PYY: variants seen among roughly 807,000 people sequenced by gnomAD.
PYY encodes peptide tyrosine tyrosine.
A neutral mutation model predicts 10.3 loss-of-function variants in PYY; 12 were observed. The ratio of observed to expected loss-of-function variants is 1.17; its 90% CI spans 0.75 to 1.89. PYY has a LOEUF of 1.89. Among genes scored for constraint, PYY ranks in the 40% most tolerant of loss-of-function variants. The pLI is 0.00. For synonymous variants in PYY, 66 were observed against 62.0 expected (o/e 1.06, Z -0.30); for missense variants, 141 against 134.0 (o/e 1.05, Z -0.26).
At chr17:43,973,452 C>G (rs545326304) in intron 1 of PYY, among the ~76,000 whole-genome samples, 3 of 152,320 alleles carry the variant, frequency 2.0e-5, no homozygotes, top group Admixed American at 6.5e-5. Context: ...AGGCATTCAT[C>G]CAGCGCTGTT....
intron 2 of PYY, among the ~76,000 whole-genome samples, chr17:43,966,048 C>T (rs2048754204): frequency 6.6e-6 from 1 of 152,056 alleles, no homozygotes; most frequent in African/African-American, 2.4e-5. Context: ...GTTCCCTATC[C>T]ACATAGTCCA....
At chr17:43,977,516 C>G (rs1260357261) in intron 1 of PYY, among the ~76,000 whole-genome samples, 1 of 152,066 alleles carries the variant, frequency 6.6e-6, no homozygotes, top group Non-Finnish European at 1.5e-5. Context: ...GGCACCTGCC[C>G]GCCCAACACT....
rs1555617070 is a variant in PYY at position 43,963,570 on chromosome 17, A to AAG, written c.-218+2717_-218+2718insCT. 4.4e-3 allele frequency among the ~76,000 whole-genome samples: 461 copies of AAG among 104,600 alleles called. 4 individuals are homozygous for AAG. Among genetic ancestry groups the AAG allele is most frequent in the African/African-American group, 0.015 (415 of 27,616 alleles). The allele number at this position is 104,600 out of a possible 152,430, so 68.6% of individuals were successfully genotyped here. On this transcript the variant is annotated intron_variant, in intron 2 of 6. Transcript: ENST00000360085. ...AAGGGAAGGAAGGAAGGAAGGAAGGAAAAGAAAGAAAGAAAGAAAGAAAGA... is the reference window on the plus strand; with the variant it reads ...AAGGGAAGGAAGGAAGGAAGGAAGGAAGAAAGAAAGAAAGAAAGAAAGAAAGA...
At chr17:44,001,339 C>T in intron 1 of PYY, among the ~76,000 whole-genome samples, 1 of 152,176 alleles carries the variant, frequency 6.6e-6, no homozygotes, top group East Asian at 1.9e-4. Context: ...AGAAGCTGGG[C>T]CCCTGAACCT....
intron 1 of PYY, among the ~76,000 whole-genome samples, chr17:43,983,060 C>T (rs528107925): frequency 2.0e-5 from 3 of 152,028 alleles, no homozygotes; most frequent in African/African-American, 7.2e-5. Context: ...GGTGAAACCC[C>T]GTCTCTACTA....
chr17:43,977,327 G>C lies in PYY; in HGVS notation c.-462-10795C>G, dbSNP rs376860647. ...TCAGAGAGGAGGGTGGAAGGTGACA[G>C]CAGAGAGAGAAGAAAACAAGAATTG... On this transcript the variant is annotated intron_variant, in intron 1 of 6. Coordinates refer to the PYY transcript ENST00000360085. Among the ~76,000 whole-genome samples, 5 of 152,152 alleles carry C rather than the reference G, an allele frequency of 3.3e-5. No homozygotes were observed. In the East Asian group the frequency reaches 5.8e-4, roughly 18 times the overall value.
At chr17:43,969,955 G>A (rs146574927) in intron 1 of PYY, among the ~76,000 whole-genome samples, 7 of 151,668 alleles carry the variant, frequency 4.6e-5, no homozygotes, top group Non-Finnish European at 1.0e-4. Context: ...TATTGTCCAG[G>A]ATGGTCTTGA....
intron 2 of PYY, among the ~76,000 whole-genome samples, chr17:43,964,454 T>C (rs960437139): frequency 2.6e-5 from 4 of 152,228 alleles, no homozygotes; most frequent in East Asian, 1.9e-4. Flanking sequence ...AGTTCAGTTA[T>C]GTAGAACTAA....
intron 1 of PYY, among the ~76,000 whole-genome samples, chr17:43,988,369 C>T (rs1597856460): frequency 6.6e-6 from 1 of 152,188 alleles, no homozygotes; most frequent in South Asian, 2.1e-4. Context: ...AACAGCCTTG[C>T]CCGCACAAGC....
upstream of PYY, among the ~76,000 whole-genome samples, chr17:43,958,762 A>G (rs1251147019): frequency 6.6e-6 from 1 of 152,248 alleles, no homozygotes; most frequent in African/African-American, 2.4e-5. Context: ...TAGAAAAGCA[A>G]GAATTCAGCT....
intron 1 of PYY, among the ~76,000 whole-genome samples, chr17:43,967,362 C>T (rs1435865458): frequency 3.3e-5 from 5 of 152,176 alleles, no homozygotes; most frequent in African/African-American, 1.2e-4. Flanking sequence ...CCTTCACACA[C>T]TGTGCAGGTT....
chr17:43,991,587 C>G (rs1383129640), intron 1 of PYY, among the ~76,000 whole-genome samples: 6 of 152,162 alleles, frequency 3.9e-5, no homozygotes, highest in Non-Finnish European at 8.8e-5. Context: ...TTCCTCTCCC[C>G]ACAACATACG....
At position 43,969,102 on chromosome 17, in the gene PYY, C is replaced by T. The variant is rs548369219; in HGVS notation, c.-462-2570G>A. Reference sequence around the variant, plus strand: ...CAGTCTGGGCGATAGGGTGTGACTGCATCTCAAAAAGAAAAAAATATTAGA... The same window carrying T: ...CAGTCTGGGCGATAGGGTGTGACTGTATCTCAAAAAGAAAAAAATATTAGA... On this transcript the variant is annotated intron_variant, in intron 1 of 6. Coordinates refer to the PYY transcript ENST00000360085. Among the ~76,000 whole-genome samples the T allele has an allele frequency of 2.0e-5, 3 of 151,878 alleles. No individual in the cohort carries two copies. In the South Asian group the frequency reaches 6.2e-4, roughly 32 times the overall value.
intron 1 of PYY, among the ~76,000 whole-genome samples, chr17:43,970,770 C>T (rs1343604478): frequency 6.6e-6 from 1 of 152,168 alleles, no homozygotes; most frequent in Non-Finnish European, 1.5e-5. Flanking sequence ...CACCCACTAC[C>T]ATCACTATAG....
chr17:43,984,726 T>C (rs1253359315), intron 1 of PYY, among the ~76,000 whole-genome samples: 1 of 152,204 alleles, frequency 6.6e-6, no homozygotes, highest in Non-Finnish European at 1.5e-5. Flanking sequence ...TACCAGGCAG[T>C]CCTCTGCACT....
Position 43,953,294 on chromosome 17 carries a change from AC to A in PYY, c.188+1del. On this transcript the variant is annotated splice_donor_variant, in intron 2 of 3. Coordinates refer to ENST00000692052, the MANE Select transcript of PYY (RefSeq NM_001394028.1). LOFTEE classifies it high-confidence loss of function. ...GGGGTCCCGCTCCGCGCCTGCGCTC[AC>A]CGCTGCCGGGTGACCAGGTTGAGGT... is the stretch of plus-strand genomic sequence containing the variant. 6.2e-7 allele frequency: 1 copy of A among 1,611,700 alleles called. No individual in the cohort carries two copies. Among genetic ancestry groups the A allele is most frequent in the Non-Finnish European group, 8.5e-7 (1 of 1,178,870 alleles).
chr17:43,986,327 G>A (rs1035896273), intron 1 of PYY, among the ~76,000 whole-genome samples: 2 of 152,114 alleles, frequency 1.3e-5, no homozygotes, highest in Admixed American at 6.5e-5. Context: ...TGAACACGTC[G>A]TGCCCATATG....
At chr17:43,955,262 C>T (rs187869668), upstream of PYY, among the ~76,000 whole-genome samples, 2 of 152,308 alleles carry the variant, frequency 1.3e-5, no homozygotes, top group East Asian at 1.9e-4. Flanking sequence ...TCCCTGGCCT[C>T]GCCAGACCTC....
At chr17:43,985,555 C>G (rs1429742945) in intron 1 of PYY, among the ~76,000 whole-genome samples, 7 of 152,178 alleles carry the variant, frequency 4.6e-5, no homozygotes. Context: ...CACAGTAACA[C>G]CCTCACTGGT....
Sources: gnomAD v4.1 joint callset for allele counts (sites outside exome capture counted in the v4.1 genomes callset) on GRCh38, gnomAD v4.1.1 for gene constraint, MANE v1.5 for transcripts, NCBI Gene and HGNC (gene_info 2026-07-23, HGNC 2026-07-21) for gene names.